Variants in STOX2 observed in about 807,000 individuals in gnomAD.
STOX2 encodes storkhead-box protein 2.
Under a neutral mutation model 60.9 loss-of-function variants are expected in STOX2, and 28 were observed. That is an observed-to-expected ratio of 0.46 (90% CI 0.34 to 0.63). STOX2 has a LOEUF of 0.63. Among genes scored for constraint, STOX2 ranks in the 30% least tolerant of loss-of-function variants. The pLI, the probability that STOX2 is intolerant of heterozygous loss-of-function variation, is 0.01. For synonymous variants in STOX2, 472 were observed against 463.9 expected, an observed-to-expected ratio of 1.02 and a Z score of -0.22; for missense variants, 1,024 against 1,187.7, an observed-to-expected ratio of 0.86 and a Z score of 2.03.
At chr4:183,829,179 C>T (rs1405514591) in intron 1 of STOX2, among the ~76,000 whole-genome samples, 1 of 152,154 alleles carries the variant, frequency 6.6e-6, no homozygotes, top group East Asian at 1.9e-4. Flanking sequence ...TTTTAAAAAT[C>T]TATCATCTTT....
chr4:183,990,435 T>G (rs536861318), intron 1 of STOX2, among the ~76,000 whole-genome samples: 1 of 152,284 alleles, frequency 6.6e-6, no homozygotes, highest in East Asian at 1.9e-4. Flanking sequence ...ATATCTTATA[T>G]TCCCACCTAA....
At chr4:183,800,576 A>G (rs1301659052) in intron 1 of STOX2, among the ~76,000 whole-genome samples, 1 of 152,222 alleles carries the variant, frequency 6.6e-6, no homozygotes, top group East Asian at 1.9e-4. Context: ...TGAAACGGCC[A>G]TAGAGCCAGA....
chr4:183,969,247 G>A (rs78284115), intron 1 of STOX2, among the ~76,000 whole-genome samples: 2,651 of 152,348 alleles, frequency 0.017, 32 homozygotes, highest in Middle Eastern at 0.044. Flanking sequence ...TGTGACGGCA[G>A]TGACTTACCA....
chr4:183,803,689 G>A lies in STOX2; in HGVS notation c.364+5634G>A, dbSNP rs112621832. On this transcript the variant is annotated intron_variant, in intron 1 of 2. Transcript: ENST00000513034. Reference sequence around the variant, plus strand: ...GAAAAATTAAAGAAATGGTCTGGGCGTAGTGGCTCACACCTGTAATCCCAG... The same window carrying A: ...GAAAAATTAAAGAAATGGTCTGGGCATAGTGGCTCACACCTGTAATCCCAG... Among the ~76,000 whole-genome samples, 675 of 152,282 alleles carry A rather than the reference G, an allele frequency of 4.4e-3. 6 individuals carry two copies. Among genetic ancestry groups the A allele is most frequent in the African/African-American group, 0.015 (638 of 41,564 alleles).
At chr4:184,007,023 AAAAAAAAAACAAAAC>A (rs1207107034) in intron 2 of STOX2, among the ~76,000 whole-genome samples, 4 of 128,002 alleles carry the variant, frequency 3.1e-5, no homozygotes, top group African/African-American at 1.4e-4. Flanking sequence ...CTCAAAAAAA[AAAAAAAAAACAAAAC>A]AAAAAAAAAA....
intron 1 of STOX2, among the ~76,000 whole-genome samples, chr4:183,993,726 C>A (rs979244115): frequency 8.5e-5 from 13 of 152,300 alleles, no homozygotes; most frequent in African/African-American, 2.9e-4. Context: ...GCATTTGAAA[C>A]AAACCTACAG....
rs1163061502 is a variant in STOX2, at chr4:184,010,029, T to C, written c.1191T>C (p.Tyr397=). The stretch of plus-strand genomic sequence containing the variant: ...TGGATATCCCAGCTGAAAGAGAGTA[T>C]GACTTTTGTGATCCTCTTACCAGGG... The part of the protein sequence containing the change: ...SHLDIPAERE[Y]DFCDPLTRVP... Residue 397 remains tyrosine (Y), a synonymous_variant, in exon 3 of 4, where the codon TAT becomes TAC. Coordinates refer to ENST00000308497, the MANE Select transcript of STOX2 (RefSeq NM_020225.3). This position sits in a 1 kb window ranked among gnomAD's most constrained non-coding sequence, Gnocchi z 4.5. 1.9e-6 allele frequency: 3 copies of C among 1,613,888 alleles called. No individual in the cohort carries two copies. Among genetic ancestry groups the C allele is most frequent in the South Asian group, 2.2e-5 (2 of 91,016 alleles).
At position 183,954,997 on chromosome 4, in the gene STOX2, G is replaced by A. The variant is rs1260809998; in HGVS notation, c.167-46328G>A. The stretch of plus-strand genomic sequence containing the variant: ...ATTACAGGCTTGAACTACCACGCCC[G>A]GCCCCCCAACCAATCCTGGATTCTC... On this transcript the variant is annotated intron_variant, in intron 1 of 3. Transcript: ENST00000308497. 9.9e-5 allele frequency among the ~76,000 whole-genome samples: 15 copies of A among 152,284 alleles called. No individual in the cohort carries two copies. In the East Asian group the frequency reaches 1.2e-3, roughly 12 times the overall value.
chr4:183,846,339 C>A (rs1331671999), intron 1 of STOX2, among the ~76,000 whole-genome samples: 3 of 151,954 alleles, frequency 2.0e-5, no homozygotes, highest in East Asian at 1.9e-4. Context: ...TCATGCTTGG[C>A]CATTATTGCT....
At chr4:183,820,937 CAA>C (rs60152619) in intron 1 of STOX2, among the ~76,000 whole-genome samples, 1 of 138,890 alleles carries the variant, frequency 7.2e-6, no homozygotes, top group African/African-American at 2.6e-5. Context: ...CCCGTCTCTA[CAA>C]AAAAAAAAAC....
intron 1 of STOX2, among the ~76,000 whole-genome samples, chr4:183,842,279 T>G (rs1739880470): frequency 6.6e-6 from 1 of 152,216 alleles, no homozygotes; most frequent in Non-Finnish European, 1.5e-5. Context: ...ACGACGTGGC[T>G]AAACTCATTT....
rs1220061748 is a variant in STOX2, at chr4:183,865,986, T to C, written c.364+67931T>C. On this transcript the variant is annotated intron_variant, in intron 1 of 2. Transcript: ENST00000513034. This position sits in a 1 kb window ranked among gnomAD's most constrained non-coding sequence, Gnocchi z 4.1. ...TTGACACAGGTGAATAAAATGAGGG[T>C]TCCACTGAGATTGTCATGGATCTAA... Among the ~76,000 whole-genome samples, 1 of 152,118 alleles carries C rather than the reference T, an allele frequency of 6.6e-6. No homozygotes were observed. The highest frequency in any genetic ancestry group is 2.4e-5 in the African/African-American group (1 of 41,404).
intron 1 of STOX2, among the ~76,000 whole-genome samples, chr4:183,992,374 G>A (rs546073826): frequency 6.4e-4 from 97 of 152,330 alleles, no homozygotes; most frequent in African/African-American, 2.3e-3. Flanking sequence ...CTTAAAAAGA[G>A]GGAAAGTGAA....
intron 1 of STOX2, among the ~76,000 whole-genome samples, chr4:183,941,952 G>A (rs1423072987): frequency 1.3e-5 from 2 of 152,138 alleles, no homozygotes; most frequent in African/African-American, 4.8e-5. Flanking sequence ...AGCTATTAGA[G>A]GGCACATGTG....
chr4:183,801,176 G>T (rs1011371443), intron 1 of STOX2, among the ~76,000 whole-genome samples: 2 of 152,202 alleles, frequency 1.3e-5, no homozygotes, highest in African/African-American at 4.8e-5. Flanking sequence ...GCCACTCAAA[G>T]GAAAAGTGGT....
rs1397272545 is a variant in STOX2 at position 184,010,348 on chromosome 4, T to G, written c.1510T>G (p.Ser504Ala). 15 of 1,610,632 alleles carry G rather than the reference T, an allele frequency of 9.3e-6. No individual in the cohort carries two copies. Among genetic ancestry groups the G allele is most frequent in the Non-Finnish European group, 1.3e-5 (15 of 1,178,494 alleles). ...MDNSKGPLGA[S>A]SLGTPEDLAE... ...TAACTCCAAAGGCCCTCTGGGTGCT[T>G]CTTCTCTAGGGACGCCGGAAGACCT... Residue 504 changes from serine to alanine, a missense_variant, in exon 3 of 4, where the codon TCT (serine) becomes GCT (alanine). Ser to Ala is a moderately conservative substitution (Grantham distance 99, BLOSUM62 1). This residue lies in a region of STOX2 where 922 missense variants were observed against 1,058.3 expected (regional missense o/e 0.87). Transcript: ENST00000308497. The surrounding 1 kb of genome is among the most constrained non-coding windows in gnomAD (Gnocchi z 4.5).
At chr4:183,944,296 C>T (rs1172743944) in intron 1 of STOX2, among the ~76,000 whole-genome samples, 1 of 152,226 alleles carries the variant, frequency 6.6e-6, no homozygotes, top group African/African-American at 2.4e-5. Context: ...AGCACCACTG[C>T]TTAACTGGAA....
At chr4:183,848,335 T>C (rs1197687367) in intron 1 of STOX2, among the ~76,000 whole-genome samples, 1 of 152,186 alleles carries the variant, frequency 6.6e-6, no homozygotes, top group Non-Finnish European at 1.5e-5. Flanking sequence ...TAGCTCCAGA[T>C]AGCACCTCTG....
intron 1 of STOX2, among the ~76,000 whole-genome samples, chr4:183,923,978 G>A (rs957215083): frequency 1.3e-5 from 2 of 152,174 alleles, no homozygotes; most frequent in African/African-American, 4.8e-5. Flanking sequence ...ATCATCTGGG[G>A]AACTTAAGCA....
Sources: allele counts gnomAD v4.1 joint callset (sites outside exome capture counted in the v4.1 genomes callset), GRCh38; gene constraint gnomAD v4.1.1; regional missense constraint gnomAD v4.1.1; non-coding constraint Gnocchi (gnomAD v3.1); transcripts MANE v1.5; gene names NCBI Gene and HGNC (gene_info 2026-07-23, HGNC 2026-07-21).